SZT2: variants seen among roughly 807,000 people sequenced by gnomAD.
SZT2 encodes KICSTOR complex protein SZT2.
In SZT2, 216 loss-of-function variants were observed where a neutral mutation model predicts 404.2. The ratio of observed to expected loss-of-function variants is 0.53; its 90% CI spans 0.48 to 0.60. SZT2 has a LOEUF of 0.60. Ranked by LOEUF, SZT2 falls within the 20% of genes least tolerant of loss-of-function variation. The probability of loss-of-function intolerance (pLI) is 0.00; values close to 1 mark genes in which losing one functional copy is unlikely to be tolerated. For synonymous variants in SZT2, 1,693 were observed against 1,749.9 expected (o/e 0.97, Z 0.81); for missense variants, 3,857 against 4,459.2 (o/e 0.86, Z 3.85).
Position 43,421,208 on chromosome 1 carries a change from C to A in SZT2, c.1531C>A (p.Gln511Lys). 1 of 1,598,522 alleles carries A rather than the reference C, an allele frequency of 6.3e-7. No homozygotes were observed. Among genetic ancestry groups the A allele is most frequent in the Non-Finnish European group, 8.5e-7 (1 of 1,179,804 alleles). ...NQTDQMLAHL[Q>K]SFSSVPEHFT... is the part of the protein sequence containing the mutation. ...GACAGACCAGATGCTTGCCCACCTT[C>A]AGTCCTTCTCCTCAGTGCCTGAGCA... The change falls in exon 11 of 72, where the codon CAG becomes AAG. Residue 511 changes from glutamine (Q) to lysine (K), a missense_variant. Physicochemically the swap from Gln to Lys is moderately conservative, Grantham distance 53 (BLOSUM62 1). Around this residue, in one of 7 missense-constraint regions of SZT2, gnomAD observed 39 missense variants for 89.7 expected, o/e 0.43. Coordinates refer to ENST00000634258, the MANE Select transcript of SZT2 (RefSeq NM_001365999.1).
At position 43,432,273 on chromosome 1, in the gene SZT2, A is replaced by G; in HGVS notation, c.5276A>G (p.Glu1759Gly). 1 of 1,547,860 alleles carries G rather than the reference A, an allele frequency of 6.5e-7. No individual in the cohort carries two copies. The highest frequency in any genetic ancestry group is 1.3e-5 in the South Asian group (1 of 79,330). The stretch of plus-strand genomic sequence containing the variant: ...GTGATCTTGGCTCCTGCTCTCTAGG[A>G]GTTCCGCCGCCTCCATCTCCCTGGC... ...PERSLTQFKE[E>G]FRRLHLPGHV... The change falls in exon 37 of 72, where the codon GAG (glutamate) becomes GGG (glycine). Residue 1759 changes from glutamate to glycine, a missense_variant and splice_region_variant. Coordinates refer to ENST00000634258, the MANE Select transcript of SZT2 (RefSeq NM_001365999.1).
At chr1:43,409,276 G>A (rs74462409) in intron 4 of SZT2, among the ~76,000 whole-genome samples, 30 of 152,252 alleles carry the variant, frequency 2.0e-4, no homozygotes, top group Non-Finnish European at 4.0e-4. Flanking sequence ...TAAGCAGGGC[G>A]TTCCTATTGA....
Position 43,426,960 on chromosome 1 carries a change from GC to G in SZT2, c.3310-95del. On this transcript the variant is annotated intron_variant, in intron 23 of 71. Transcript: ENST00000634258. This position sits in a 1 kb window ranked among gnomAD's most constrained non-coding sequence, Gnocchi z 4.9. ...TTTTCCATTGTCCTGGATCTTTCAA[GC>G]TATACCTAAGATGAGTCAGCTCTAG... 1 of 1,577,310 alleles carries G rather than the reference GC, an allele frequency of 6.3e-7. No individual in the cohort carries two copies. Among genetic ancestry groups the G allele is most frequent in the African/African-American group, 1.3e-5 (1 of 74,174 alleles).
rs565391100 is a variant in SZT2, at chr1:43,443,137, A to G, written c.8419+51A>G. On this transcript the variant is annotated intron_variant, in intron 59 of 71. Transcript: ENST00000634258. ...GGACAGGAAATCTGTGGAGTCTGGG[A>G]GGAAGGGAGTGACAATGCCTGGGGC... The G allele has an allele frequency of 1.0e-4, 168 of 1,613,538 alleles. No homozygotes were observed. The East Asian group carries it at 3.3e-3, about 31-fold the overall frequency.
intron 41 of SZT2, 126 bp from the exon 42 acceptor site, chr1:43,435,074 T>C (rs1654319210): frequency 8.9e-7 from 1 of 1,128,772 alleles, no homozygotes; most frequent in Admixed American, 2.1e-5. Flanking sequence ...TGATGACTGA[T>C]ATTCTTGTTG....
At position 43,440,510 on chromosome 1, in the gene SZT2, T is replaced by A; in HGVS notation, c.7268T>A (p.Phe2423Tyr). ...AGCTCTGCAGGCCGAGCTAGCACCT[T>A]TCCCCCTGCCCCTGTCCCTGGGGAG... ...TKSSAGRAST[F>Y]PPAPVPGEPV... The change falls in exon 52 of 72, where the codon TTT becomes TAT. Residue 2423 changes from phenylalanine to tyrosine, a missense_variant. By Grantham distance (22) the Phe-to-Tyr change is conservative. Transcript: ENST00000634258. 1 of 1,608,342 alleles carries A rather than the reference T, an allele frequency of 6.2e-7. No individual in the cohort carries two copies. The highest frequency in any genetic ancestry group is 8.5e-7 in the Non-Finnish European group (1 of 1,177,532).
chr1:43,401,612 A>G (rs1649694556), intron 1 of SZT2, among the ~76,000 whole-genome samples: 1 of 151,896 alleles, frequency 6.6e-6, no homozygotes, highest in African/African-American at 2.4e-5. Flanking sequence ...CAGCCTCCCA[A>G]GTAGCTGGGA....
At position 43,438,825 on chromosome 1, in the gene SZT2, C is replaced by G. The variant is rs1378603769; in HGVS notation, c.6627+8C>G. On this transcript the variant is annotated splice_region_variant and intron_variant, in intron 47 of 71. Coordinates refer to ENST00000634258, the MANE Select transcript of SZT2 (RefSeq NM_001365999.1). ...ACACCAGCTGATGTGGAGGTCAGCTCCCCTCTAGGCACCAGCATCCTTCCC... is the reference window on the plus strand; with the variant it reads ...ACACCAGCTGATGTGGAGGTCAGCTGCCCTCTAGGCACCAGCATCCTTCCC... 6.2e-7 allele frequency: 1 copy of G among 1,612,002 alleles called. No individual in the cohort carries two copies. Among genetic ancestry groups the G allele is most frequent in the African/African-American group, 1.3e-5 (1 of 75,006 alleles).
intron 4 of SZT2, among the ~76,000 whole-genome samples, chr1:43,413,242 G>A (rs911082561): frequency 1.3e-5 from 2 of 152,184 alleles, no homozygotes; most frequent in African/African-American, 2.4e-5. Flanking sequence ...AATTAGCTGA[G>A]CGTGATGGCA....
Position 43,441,782 on chromosome 1 carries a change from C to G in SZT2, c.7706C>G (p.Ala2569Gly). 1 of 1,614,196 alleles carries G rather than the reference C, an allele frequency of 6.2e-7. No homozygotes were observed. Among genetic ancestry groups the G allele is most frequent in the Non-Finnish European group, 8.5e-7 (1 of 1,180,036 alleles). ...SEFTALVTSM[A>G]GDTSVRIFEQ... ...TTCACCGCACTGGTCACCTCAATGG[C>G]TGGAGACACCAGTGTCCGCATCTTT... The change falls in exon 55 of 72, where the codon GCT becomes GGT. Residue 2569 changes from alanine to glycine, a missense_variant. Ala to Gly is a moderately conservative substitution (Grantham distance 60). Around this residue, in one of 7 missense-constraint regions of SZT2, gnomAD observed 573 missense variants for 592.4 expected, o/e 0.97. Coordinates refer to ENST00000634258, the MANE Select transcript of SZT2 (RefSeq NM_001365999.1). The surrounding 1 kb of genome is among the most constrained non-coding windows in gnomAD (Gnocchi z 4.8).
At position 43,427,139 on chromosome 1, in the gene SZT2, C is replaced by G; in HGVS notation, c.3393C>G (p.Pro1131=). The change falls in exon 24 of 72, where the codon CCC becomes CCG. Residue 1131 remains proline (P), a synonymous_variant. Transcript: ENST00000634258. ...GCTGCTATGCAAGGCTTGTGAACCC[C>G]CAGCATGTGTTTCTGACTTTTCTCC... ...QWRCYARLVN[P]QHVFLTFLPA... 1 of 1,614,200 alleles carries G rather than the reference C, an allele frequency of 6.2e-7. No individual in the cohort carries two copies. Among genetic ancestry groups the G allele is most frequent in the African/African-American group, 1.3e-5 (1 of 75,050 alleles).
chr1:43,442,217 C>T lies in SZT2; in HGVS notation c.7874-51C>T. The T allele has an allele frequency of 1.2e-6, 2 of 1,601,022 alleles. No homozygotes were observed. The highest frequency in any genetic ancestry group is 8.5e-7 in the Non-Finnish European group (1 of 1,173,178). On this transcript the variant is annotated intron_variant, in intron 56 of 71. Transcript: ENST00000634258. The surrounding 1 kb of genome is among the most constrained non-coding windows in gnomAD (Gnocchi z 4.5). ...AACCTTGCAGAGGGGAGGGTGGGAT[C>T]AAGGGGGATCTGTTCCCAGGCCCCT...
chr1:43,416,197 G>C lies in SZT2; in HGVS notation c.772+96G>C. On this transcript the variant is annotated intron_variant, in intron 6 of 71. Coordinates refer to ENST00000634258, the MANE Select transcript of SZT2 (RefSeq NM_001365999.1). ...AGATAGCAGTTCCAGGGAATCAGTG[G>C]GCCCCAGGGAAGAGGATCTGTTTCC... is the stretch of plus-strand genomic sequence containing the variant. The C allele has an allele frequency of 2.1e-6, 3 of 1,458,662 alleles. No individual in the cohort carries two copies. In the South Asian group the frequency reaches 3.9e-5, roughly 19 times the overall value. 90.4% of individuals were successfully genotyped at this position (1,458,662 alleles called of 1,614,324 possible).
chr1:43,434,514 C>A, intron 41 of SZT2, 29 bp downstream of exon 41: 1 of 1,552,942 alleles, frequency 6.4e-7, no homozygotes, highest in Non-Finnish European at 8.8e-7. Flanking sequence ...CAGACCCGGA[C>A]ACACAGAGCA....
chr1:43,396,677 G>A (rs1417275590), intron 1 of SZT2, among the ~76,000 whole-genome samples: 2 of 152,188 alleles, frequency 1.3e-5, no homozygotes, highest in African/African-American at 4.8e-5. Flanking sequence ...TTACACAGGA[G>A]GAAGCTCACC....
chr1:43,392,414 CTTTT>C (rs1287158167), intron 1 of SZT2, among the ~76,000 whole-genome samples: 3 of 133,236 alleles, frequency 2.3e-5, no homozygotes. Context: ...AAAAGTTAAG[CTTTT>C]TTTTTTTTTT....
At position 43,453,974 on chromosome 1, in the gene SZT2, G is replaced by C; in HGVS notation, c.*3494G>C. Reference sequence around the variant, plus strand: ...CCTTCACGAAAAGCGCCTACGGTTAGCGAGAGAGGGATCACGGGGAGAGGC... The same window carrying C: ...CCTTCACGAAAAGCGCCTACGGTTACCGAGAGAGGGATCACGGGGAGAGGC... On this transcript the variant is annotated 3_prime_UTR_variant, in exon 72 of 72. Coordinates refer to ENST00000634258, the MANE Select transcript of SZT2 (RefSeq NM_001365999.1). 1.7e-6 allele frequency: 2 copies of C among 1,191,236 alleles called. No homozygotes were observed. Among genetic ancestry groups the C allele is most frequent in the Non-Finnish European group, 2.1e-6 (2 of 962,100 alleles). 73.8% of individuals were successfully genotyped at this position (1,191,236 alleles called of 1,614,324 possible).
rs1435200367 is a variant in SZT2 at position 43,453,596 on chromosome 1, C to T, written c.*3116C>T. 1.4e-5 allele frequency: 21 copies of T among 1,524,344 alleles called. No homozygotes were observed. The highest frequency in any genetic ancestry group is 6.3e-5 in the Admixed American group (3 of 47,284). The allele number at this position is 1,524,344 out of a possible 1,614,324, so 94.4% of individuals were successfully genotyped here. ...CAGCCCTCCCGGCCCGCGACGCACC[C>T]GGGGGCGTGTTGATCAGTACAAGCC... On this transcript the variant is annotated 3_prime_UTR_variant, in exon 72 of 72. Coordinates refer to ENST00000634258, the MANE Select transcript of SZT2 (RefSeq NM_001365999.1).
intron 42 of SZT2, 37 bp downstream of exon 42, chr1:43,435,366 T>C (rs780602310): frequency 2.5e-6 from 4 of 1,610,684 alleles, no homozygotes; most frequent in South Asian, 1.1e-5. Flanking sequence ...CACAAGGCAG[T>C]GCTGCCGCCC....
Sources: gnomAD v4.1 joint callset for allele counts (sites outside exome capture counted in the v4.1 genomes callset) on GRCh38, gnomAD v4.1.1 for gene constraint, gnomAD v4.1.1 regional missense constraint, Gnocchi (gnomAD v3.1) non-coding constraint, MANE v1.5 for transcripts, NCBI Gene and HGNC (gene_info 2026-07-23, HGNC 2026-07-21) for gene names.